The following KCNH1 variants were observed in gnomAD, a reference collection of about 807,000 sequenced individuals.
KCNH1 encodes the protein voltage-gated delayed rectifier potassium channel KCNH1.
KCNH1 carries 27 observed loss-of-function variants against 69.2 expected under a neutral mutation model. The observed-to-expected ratio is 0.39, with a 90% CI of 0.29 to 0.54. KCNH1 has a LOEUF of 0.54. Among genes scored for constraint, KCNH1 ranks in the 20% least tolerant of loss-of-function variants. The probability of loss-of-function intolerance (pLI) is 0.68; values close to 1 mark genes in which losing one functional copy is unlikely to be tolerated. For synonymous variants in KCNH1, 456 were observed against 487.7 expected (o/e 0.93, Z 0.86); for missense variants, 798 against 1,261.6 (o/e 0.63, Z 5.57).
intron 5 of KCNH1, among the ~76,000 whole-genome samples, chr1:211,050,260 TAAAAAAAAAAAAAAAA>T (rs747498526): frequency 3.4e-5 from 2 of 58,580 alleles, no homozygotes; most frequent in African/African-American, 7.1e-5. Context: ...CACACATTCT[TAAAAAAAAAAAAAAAA>T]AAAAAAAAAA....
At chr1:210,862,048 G>A in intron 7 of KCNH1, 2 of 788,370 alleles carry the variant, frequency 2.5e-6, no homozygotes, top group Non-Finnish European at 4.7e-6. Context: ...AATAGTATAA[G>A]GGGATATATA....
intron 1 of KCNH1, among the ~76,000 whole-genome samples, chr1:211,112,723 T>C (rs995025380): frequency 6.6e-6 from 1 of 152,124 alleles, no homozygotes; most frequent in Non-Finnish European, 1.5e-5. Flanking sequence ...CACTCCATGA[T>C]AGAAGGTCTA....
chr1:210,726,817 G>GT (rs1029396061), intron 10 of KCNH1, among the ~76,000 whole-genome samples: 37 of 131,084 alleles, frequency 2.8e-4, no homozygotes, highest in African/African-American at 1.1e-3. Context: ...CGGCGGGGGT[G>GT]GGGTGGACTA....
chr1:210,925,532 A>T (rs1359547404), intron 6 of KCNH1, among the ~76,000 whole-genome samples: 3 of 152,008 alleles, frequency 2.0e-5, no homozygotes, highest in East Asian at 1.9e-4. Context: ...GTTGCGGGGG[A>T]CATGGTGAGA....
At chr1:211,011,339 G>C (rs1216162300) in intron 6 of KCNH1, among the ~76,000 whole-genome samples, 1 of 152,110 alleles carries the variant, frequency 6.6e-6, no homozygotes, top group African/African-American at 2.4e-5. Context: ...AGTATTCCAT[G>C]GTGTATATGT....
chr1:210,816,085 C>T (rs1487122279), intron 7 of KCNH1, among the ~76,000 whole-genome samples: 5 of 152,200 alleles, frequency 3.3e-5, no homozygotes, highest in African/African-American at 1.2e-4. Context: ...ATTTCGGTTA[C>T]ACCAGCACTA....
chr1:210,782,412 G>A (rs1227677360), intron 9 of KCNH1, among the ~76,000 whole-genome samples: 1 of 152,102 alleles, frequency 6.6e-6, no homozygotes, highest in Non-Finnish European at 1.5e-5. Flanking sequence ...GGGTCATGAA[G>A]ATGGAACCTT....
At chr1:211,068,337 T>C (rs1690570847) in intron 5 of KCNH1, among the ~76,000 whole-genome samples, 1 of 152,248 alleles carries the variant, frequency 6.6e-6, no homozygotes, top group Admixed American at 6.5e-5. Context: ...GTAAATGCCT[T>C]AGAAGCCATC....
At chr1:210,859,048 GA>G (rs1685917625) in intron 7 of KCNH1, 1 of 615,496 alleles carries the variant, frequency 1.6e-6, no homozygotes, top group Middle Eastern at 4.6e-4. Context: ...TTGTTGTTGT[GA>G]TTTTTTTTCT....
intron 7 of KCNH1, among the ~76,000 whole-genome samples, chr1:210,848,133 A>G (rs1188348420): frequency 6.6e-6 from 1 of 152,244 alleles, no homozygotes; most frequent in African/African-American, 2.4e-5. Flanking sequence ...ATGAATCTTA[A>G]TACCTTCTAG....
chr1:211,018,761 G>A (rs750987977), intron 6 of KCNH1, 22 bp downstream of exon 6: 12 of 1,549,428 alleles, frequency 7.7e-6, no homozygotes, highest in Middle Eastern at 3.4e-4. Context: ...TGACAACAAG[G>A]TCTGAGATTT....
intron 7 of KCNH1, among the ~76,000 whole-genome samples, chr1:210,818,917 A>G (rs1379865264): frequency 6.6e-6 from 1 of 152,212 alleles, no homozygotes; most frequent in Non-Finnish European, 1.5e-5. Flanking sequence ...GAGCAAGTAG[A>G]TTTTTTTAAA....
At chr1:210,751,759 T>C (rs930206155) in intron 10 of KCNH1, among the ~76,000 whole-genome samples, 1 of 152,102 alleles carries the variant, frequency 6.6e-6, no homozygotes, top group Non-Finnish European at 1.5e-5. Flanking sequence ...TAAATTATTG[T>C]TTACAACATT....
chr1:210,911,999 C>A (rs1687241610), intron 7 of KCNH1, among the ~76,000 whole-genome samples: 1 of 152,114 alleles, frequency 6.6e-6, no homozygotes, highest in African/African-American at 2.4e-5. Flanking sequence ...ACAAGGAAAG[C>A]AACAAGACAA....
intron 10 of KCNH1, among the ~76,000 whole-genome samples, chr1:210,722,683 C>G (rs11119580): frequency 7.4e-4 from 112 of 152,190 alleles, no homozygotes; most frequent in African/African-American, 2.7e-3. Flanking sequence ...TTGATTTAAC[C>G]TCTATCCCCT....
chr1:210,907,526 G>A (rs1174867158), intron 7 of KCNH1, among the ~76,000 whole-genome samples: 4 of 135,208 alleles, frequency 3.0e-5, no homozygotes, highest in African/African-American at 5.1e-5. Context: ...AAAGGACTGG[G>A]AAGAAAAAAA....
intron 5 of KCNH1, among the ~76,000 whole-genome samples, chr1:211,079,286 A>G (rs1377537999): frequency 2.0e-5 from 3 of 152,230 alleles, no homozygotes; most frequent in African/African-American, 7.2e-5. Flanking sequence ...GAATCTCTGA[A>G]TAGACCAATA....
intron 7 of KCNH1, among the ~76,000 whole-genome samples, chr1:210,841,726 C>G (rs142860585): frequency 2.0e-4 from 30 of 152,202 alleles, no homozygotes; most frequent in Non-Finnish European, 3.8e-4. Context: ...AAACTGCTCA[C>G]TAGTAGGTTT....
At chr1:211,108,006 T>C (rs918746202) in intron 1 of KCNH1, among the ~76,000 whole-genome samples, 2 of 152,174 alleles carry the variant, frequency 1.3e-5, no homozygotes, top group African/African-American at 2.4e-5. Flanking sequence ...AGGACCTTCT[T>C]GCTAATTTTG....
Sources: gnomAD v4.1 joint callset for allele counts (sites outside exome capture counted in the v4.1 genomes callset) on GRCh38, gnomAD v4.1.1 for gene constraint, MANE v1.5 for transcripts, NCBI Gene and HGNC (gene_info 2026-07-23, HGNC 2026-07-21) for gene names.